Variants in CACNA1I observed in about 807,000 individuals in gnomAD.
The protein encoded by CACNA1I is voltage-dependent T-type calcium channel subunit alpha-1I.
A neutral mutation model predicts 201.6 loss-of-function variants in CACNA1I; 74 were observed. The observed-to-expected ratio is 0.37, with a 90% CI of 0.30 to 0.45. The LOEUF is 0.45. Among genes scored for constraint, CACNA1I ranks in the 20% least tolerant of loss-of-function variants. The probability of loss-of-function intolerance (pLI) is 1.00; values close to 1 mark genes in which losing one functional copy is unlikely to be tolerated. For synonymous variants in CACNA1I, 1,431 were observed against 1,345.2 expected, an observed-to-expected ratio of 1.06 and a Z score of -1.40; for missense variants, 2,346 against 3,138.1, an observed-to-expected ratio of 0.75 and a Z score of 6.03.
chr22:39,577,474 C>T (rs965748120), intron 1 of CACNA1I, among the ~76,000 whole-genome samples: 1 of 152,216 alleles, frequency 6.6e-6, no homozygotes, highest in African/African-American at 2.4e-5. Flanking sequence ...CCCTCGAAGC[C>T]CAGTCTTGTG....
chr22:39,634,775 A>C, intron 5 of CACNA1I, 51 bp downstream of exon 5: 2 of 1,563,306 alleles, frequency 1.3e-6, no homozygotes, highest in Non-Finnish European at 1.7e-6. Context: ...TTACTAAGAC[A>C]CAGTTTTAAC....
At chr22:39,605,810 G>A (rs764772552) in intron 3 of CACNA1I, among the ~76,000 whole-genome samples, 6 of 152,064 alleles carry the variant, frequency 3.9e-5, no homozygotes, top group Admixed American at 1.3e-4. Flanking sequence ...GTTTCAGGCA[G>A]CGGGGAAGCA....
At position 39,659,529 on chromosome 22, in the gene CACNA1I, G is replaced by T; in HGVS notation, c.2427G>T (p.Trp809Cys). Residue 809 changes from tryptophan (W) to cysteine (C), a missense_variant, in exon 13 of 37, where the codon TGG (tryptophan) becomes TGT (cysteine). Trp to Cys is a radical substitution (Grantham distance 215, BLOSUM62 -2). This residue lies in a region of CACNA1I where 155 missense variants were observed against 300.8 expected (regional missense o/e 0.52). Transcript: ENST00000402142. The surrounding 1 kb of genome is among the most constrained non-coding windows in gnomAD (Gnocchi z 4.3). ...PDRKNFDSLL[W>C]AIVTVFQILT... ...GGAAGAACTTCGACTCCCTGCTGTG[G>T]GCCATCGTCACTGTGTTCCAGGTGA... is the stretch of plus-strand genomic sequence containing the variant. 6.2e-7 allele frequency: 1 copy of T among 1,604,110 alleles called. No individual in the cohort carries two copies. The highest frequency in any genetic ancestry group is 8.5e-7 in the Non-Finnish European group (1 of 1,174,798).
chr22:39,667,050 G>A (rs749130465), intron 23 of CACNA1I, among the ~76,000 whole-genome samples: 2 of 152,190 alleles, frequency 1.3e-5, no homozygotes, highest in South Asian at 2.1e-4. Context: ...CTCTGTACTC[G>A]GAGCCACCTG....
At chr22:39,671,119 G>T (rs946802366) in intron 26 of CACNA1I, among the ~76,000 whole-genome samples, 165 bp downstream of exon 26, 7 of 152,134 alleles carry the variant, frequency 4.6e-5, no homozygotes, top group Non-Finnish European at 8.8e-5. Flanking sequence ...AGGAGGTGCC[G>T]GACAAGCTTG....
rs540147017 is a variant in CACNA1I, at chr22:39,676,908, T to G, written c.4855-433T>G. On this transcript the variant is annotated intron_variant, in intron 29 of 36. Coordinates refer to ENST00000402142, the MANE Select transcript of CACNA1I (RefSeq NM_021096.4). This position sits in a 1 kb window ranked among gnomAD's most constrained non-coding sequence, Gnocchi z 4.8. ...AGCCACTCAAGGCGTGTAGCATAGA[T>G]TGTGTGCATGGACCCTGGGGCCAGC... Among the ~76,000 whole-genome samples, 2 of 152,328 alleles carry G rather than the reference T, an allele frequency of 1.3e-5. No individual in the cohort carries two copies. Among genetic ancestry groups the G allele is most frequent in the East Asian group, 3.9e-4 (2 of 5,188 alleles).
chr22:39,579,792 G>A (rs562760418), intron 1 of CACNA1I, among the ~76,000 whole-genome samples: 15 of 152,074 alleles, frequency 9.9e-5, no homozygotes, highest in African/African-American at 1.9e-4. Context: ...GATTACAGGC[G>A]CCCACCACCA....
At position 39,686,162 on chromosome 22, in the gene CACNA1I, A is replaced by G. The variant is rs1251750933; in HGVS notation, c.6429A>G (p.Pro2143=). ...TSLFCPPPPP[P]APGLTPARKF... is the part of the protein sequence containing the mutation. Reference sequence around the variant, plus strand: ...TCTTCTGCCCGCCGCCCCCGCCGCCAGCCCCCGGCCTCACGCCCGCCAGGA... The same window carrying G: ...TCTTCTGCCCGCCGCCCCCGCCGCCGGCCCCCGGCCTCACGCCCGCCAGGA... Residue 2143 remains proline, a synonymous_variant, in exon 37 of 37, where the codon CCA becomes CCG. Transcript: ENST00000402142. 1 of 1,224,934 alleles carries G rather than the reference A, an allele frequency of 8.2e-7. No homozygotes were observed. Among genetic ancestry groups the G allele is most frequent in the Non-Finnish European group, 1.0e-6 (1 of 982,038 alleles). 75.9% of individuals were successfully genotyped at this position (1,224,934 alleles called of 1,614,324 possible).
At chr22:39,634,381 C>T (rs908595452) in intron 4 of CACNA1I, among the ~76,000 whole-genome samples, 184 bp from the exon 5 acceptor site, 7 of 152,072 alleles carry the variant, frequency 4.6e-5, no homozygotes, top group African/African-American at 1.4e-4. Context: ...ATGGCTTTTT[C>T]GGTGGAGGGG....
chr22:39,572,552 TG>T (rs1390230720), intron 1 of CACNA1I, among the ~76,000 whole-genome samples: 16 of 151,994 alleles, frequency 1.1e-4, no homozygotes. Flanking sequence ...CAGAACTGGG[TG>T]TTCCTTGCTG....
At chr22:39,589,615 A>C (rs1441659914) in intron 1 of CACNA1I, among the ~76,000 whole-genome samples, 1 of 152,090 alleles carries the variant, frequency 6.6e-6, no homozygotes, top group Non-Finnish European at 1.5e-5. Flanking sequence ...TCATCTCAGC[A>C]CCCTGAGGCA....
At chr22:39,658,016 G>A (rs1934880128) in intron 10 of CACNA1I, 136 bp from the exon 11 acceptor site, 1 of 841,248 alleles carries the variant, frequency 1.2e-6, no homozygotes. Flanking sequence ...CCTTGTGCAT[G>A]GGGCAGTGGG....
chr22:39,668,190 C>T, intron 23 of CACNA1I, 102 bp from the exon 24 acceptor site: 1 of 707,872 alleles, frequency 1.4e-6, no homozygotes, highest in Middle Eastern at 2.5e-4. Context: ...CTTTGTCCCT[C>T]TGCCTCCCAA....
At chr22:39,655,117 T>G (rs1934772939) in intron 10 of CACNA1I, among the ~76,000 whole-genome samples, 1 of 152,148 alleles carries the variant, frequency 6.6e-6, no homozygotes, top group Non-Finnish European at 1.5e-5. Flanking sequence ...TCAGGCTCCC[T>G]GTCTGTAAAA....
intron 10 of CACNA1I, among the ~76,000 whole-genome samples, chr22:39,655,797 A>G (rs555322387): frequency 6.6e-6 from 1 of 152,190 alleles, no homozygotes; most frequent in Non-Finnish European, 1.5e-5. Context: ...TGAGTGATGG[A>G]TGGTCCATTA....
chr22:39,663,999 C>G (rs1294529783), intron 19 of CACNA1I, 92 bp from the exon 20 acceptor site: 16 of 1,522,432 alleles, frequency 1.1e-5, no homozygotes, highest in Non-Finnish European at 1.4e-5. Flanking sequence ...GTGGCAGCCT[C>G]TCCTCTACGA....
Position 39,670,968 on chromosome 22 carries a change from T to C in CACNA1I, c.4539+14T>C, listed in dbSNP as rs367646086. The C allele has an allele frequency of 6.2e-7, 1 of 1,612,998 alleles. No individual in the cohort carries two copies. The highest frequency in any genetic ancestry group is 8.5e-7 in the Non-Finnish European group (1 of 1,179,138). The stretch of plus-strand genomic sequence containing the variant: ...AATCAGCCCACGGTGAGCCCTGGTC[T>C]GCCTCCCAGCCCAAGGTTACAAGGT... On this transcript the variant is annotated intron_variant, in intron 26 of 36. Coordinates refer to ENST00000402142, the MANE Select transcript of CACNA1I (RefSeq NM_021096.4).
chr22:39,576,650 A>C (rs973271370), intron 1 of CACNA1I, among the ~76,000 whole-genome samples: 1 of 152,180 alleles, frequency 6.6e-6, no homozygotes, highest in African/African-American at 2.4e-5. Context: ...TCTGCTCGGG[A>C]AAGGGGAGGG....
At chr22:39,622,794 C>T (rs1933786333) in intron 4 of CACNA1I, among the ~76,000 whole-genome samples, 2 of 151,942 alleles carry the variant, frequency 1.3e-5, no homozygotes, top group South Asian at 4.1e-4. Context: ...GCGGGAGGGA[C>T]CTCAGCTCTC....
Sources: allele counts gnomAD v4.1 joint callset (sites outside exome capture counted in the v4.1 genomes callset), GRCh38; gene constraint gnomAD v4.1.1; regional missense constraint gnomAD v4.1.1; non-coding constraint Gnocchi (gnomAD v3.1); transcripts MANE v1.5; gene names NCBI Gene and HGNC (gene_info 2026-07-23, HGNC 2026-07-21).